The following CACNB4 variants were observed in gnomAD, a reference collection of about 807,000 sequenced individuals.
CACNB4 encodes the protein calcium voltage-gated channel auxiliary subunit beta 4.
Under a neutral mutation model 71.2 loss-of-function variants are expected in CACNB4, and 32 were observed. The ratio of observed to expected loss-of-function variants is 0.45; its 90% confidence interval spans 0.34 to 0.60. The LOEUF (loss-of-function observed/expected upper bound fraction) is 0.60. Ranked by LOEUF, CACNB4 falls within the 20% of genes least tolerant of loss-of-function variation. The pLI is 0.01. For missense variants in CACNB4, 464 were observed against 647.9 expected (o/e 0.72, Z 3.08); for synonymous variants, 231 against 236.9 (o/e 0.97, Z 0.23).
chr2:151,997,686 C>T (rs1324419791), intron 2 of CACNB4, among the ~76,000 whole-genome samples: 1 of 152,160 alleles, frequency 6.6e-6, no homozygotes, highest in Non-Finnish European at 1.5e-5. Context: ...GAACGAAATT[C>T]TCCCCCAGAG....
Position 152,098,394 on chromosome 2 carries a change from G to C in CACNB4, c.83C>G (p.Thr28Ser), listed in dbSNP as rs1162203855. ...PTSQVARGTT[T>S]RRSRLKRSDG... is the part of the protein sequence containing the mutation. ...GGATCTTTTCAACCTGCTCCTCCGG[G>C]TTGTGGTGCCTCGGGCCACCTGGAC... The change falls in exon 2 of 14, where the codon ACC becomes AGC. Residue 28 changes from threonine (T) to serine (S), a missense_variant. Physicochemically the swap from Thr to Ser is moderately conservative, Grantham distance 58. Coordinates refer to ENST00000539935, the MANE Select transcript of CACNB4 (RefSeq NM_000726.5). The surrounding 1 kb of genome is among the most constrained non-coding windows in gnomAD (Gnocchi z 5.3). 6.2e-7 allele frequency: 1 copy of C among 1,613,496 alleles called. No homozygotes were observed. The highest frequency in any genetic ancestry group is 8.5e-7 in the Non-Finnish European group (1 of 1,179,590).
intron 9 of CACNB4, among the ~76,000 whole-genome samples, chr2:151,862,349 C>T (rs1383020054): frequency 6.6e-6 from 1 of 152,216 alleles, no homozygotes; most frequent in Non-Finnish European, 1.5e-5. Context: ...AAACAACAGT[C>T]TGTGCAAAAG....
chr2:152,013,608 A>G (rs2105079298), intron 2 of CACNB4, among the ~76,000 whole-genome samples: 1 of 152,236 alleles, frequency 6.6e-6, no homozygotes, highest in East Asian at 1.9e-4. Context: ...CAAATTGAGC[A>G]CGAGATCCTG....
At chr2:152,029,528 A>AAAAGAAAAGAAAAGAAAAGT (rs1216263961) in intron 2 of CACNB4, among the ~76,000 whole-genome samples, 1 of 150,740 alleles carries the variant, frequency 6.6e-6, no homozygotes, top group African/African-American at 2.4e-5. Context: ...AAAAGAAAAG[A>AAAAGAAAAGAAAAGAAAAGT]AAAGAAAAGA....
At chr2:151,873,309 T>G (rs1001786488) in intron 5 of CACNB4, 3 of 152,208 alleles carry the variant, frequency 2.0e-5, no homozygotes, top group Admixed American at 2.0e-4. Context: ...GGATTTCCAC[T>G]GTTTTCAGAT....
chr2:151,847,601 A>T (rs1351599309), intron 12 of CACNB4, among the ~76,000 whole-genome samples: 1 of 152,194 alleles, frequency 6.6e-6, no homozygotes, highest in Non-Finnish European at 1.5e-5. Flanking sequence ...CTTTTAAAAG[A>T]TCTATGATGG....
intron 2 of CACNB4, among the ~76,000 whole-genome samples, chr2:152,018,998 T>A (rs1475410292): frequency 6.6e-6 from 1 of 151,920 alleles, no homozygotes; most frequent in Non-Finnish European, 1.5e-5. Context: ...GGGAAAGGTT[T>A]GGTTAGTGAT....
chr2:151,869,160 A>G lies in CACNB4; in HGVS notation c.758+17T>C. ...GTTAAAGGAAAATAAAAATACAAAA[A>G]CATCTATATTTCTCACCTCCCATCA... On this transcript the variant is annotated intron_variant, in intron 9 of 13. Coordinates refer to ENST00000539935, the MANE Select transcript of CACNB4 (RefSeq NM_000726.5). 2 of 1,438,158 alleles carry G rather than the reference A, an allele frequency of 1.4e-6. No individual in the cohort carries two copies. Among genetic ancestry groups the G allele is most frequent in the Non-Finnish European group, 1.9e-6 (2 of 1,041,104 alleles). 89.1% of individuals were successfully genotyped at this position (1,438,158 alleles called of 1,614,324 possible). A position where few individuals can be genotyped will look rare whatever the true frequency, so the allele number is the denominator to read the frequency against.
chr2:152,041,334 C>G (rs997878589), intron 2 of CACNB4, among the ~76,000 whole-genome samples: 3 of 152,182 alleles, frequency 2.0e-5, no homozygotes, highest in Non-Finnish European at 1.5e-5. Flanking sequence ...TAGAAGTCAT[C>G]ATCATGTTTT....
chr2:152,030,862 T>A (rs942063018), intron 2 of CACNB4, among the ~76,000 whole-genome samples: 12 of 152,182 alleles, frequency 7.9e-5, no homozygotes, highest in African/African-American at 2.9e-4. Context: ...CAAATGTCCA[T>A]CAATGATAGA....
chr2:151,953,859 C>G (rs866916764), intron 2 of CACNB4, among the ~76,000 whole-genome samples: 12 of 152,234 alleles, frequency 7.9e-5, no homozygotes, highest in Admixed American at 3.3e-4. Flanking sequence ...CATCTGTAAA[C>G]AGTCCTTTGG....
chr2:151,876,596 C>T (rs1264738610), intron 4 of CACNB4, 40 bp from the exon 5 acceptor site: 1 of 1,411,498 alleles, frequency 7.1e-7, no homozygotes, highest in Non-Finnish European at 9.9e-7. Context: ...TAGTAATTCA[C>T]TTATCTTCAC....
At chr2:151,952,007 C>T (rs2099867023) in intron 2 of CACNB4, among the ~76,000 whole-genome samples, 1 of 152,180 alleles carries the variant, frequency 6.6e-6, no homozygotes, top group Non-Finnish European at 1.5e-5. Flanking sequence ...TTTACCTTCT[C>T]TGTGCCTCAG....
At chr2:152,020,947 G>A (rs1683628736) in intron 2 of CACNB4, among the ~76,000 whole-genome samples, 2 of 152,156 alleles carry the variant, frequency 1.3e-5, no homozygotes, top group African/African-American at 4.8e-5. Context: ...TACTAGCACA[G>A]AGACTGAAGA....
At chr2:152,078,835 T>C (rs1687182446) in intron 2 of CACNB4, among the ~76,000 whole-genome samples, 1 of 152,194 alleles carries the variant, frequency 6.6e-6, no homozygotes, top group Admixed American at 6.5e-5. Flanking sequence ...CACCTTCTTG[T>C]AGACTGTTAA....
At chr2:152,023,041 G>T (rs181985374) in intron 2 of CACNB4, among the ~76,000 whole-genome samples, 1 of 152,044 alleles carries the variant, frequency 6.6e-6, no homozygotes, top group Admixed American at 6.5e-5. Context: ...AAAACCTCAG[G>T]AAACTTACAA....
In CACNB4 at chr2:152,098,479, C is replaced by A; in HGVS notation, c.64-66G>T. On this transcript the variant is annotated intron_variant, in intron 1 of 13. Coordinates refer to ENST00000539935, the MANE Select transcript of CACNB4 (RefSeq NM_000726.5). This position sits in a 1 kb window ranked among gnomAD's most constrained non-coding sequence, Gnocchi z 5.3. The stretch of plus-strand genomic sequence containing the variant: ...ACCGCAGCGCAGAGCGGGGCGACCA[C>A]CCCCGGCTGGAGTCCGCCTCCGGAC... The A allele has an allele frequency of 1.4e-6, 2 of 1,473,450 alleles. No homozygotes were observed. The allele number at this position is 1,473,450 out of a possible 1,614,324, so 91.3% of individuals were successfully genotyped here.
chr2:151,920,252 A>ATAGG (rs1553774913), intron 2 of CACNB4, among the ~76,000 whole-genome samples: 14 of 151,466 alleles, frequency 9.2e-5, no homozygotes, highest in African/African-American at 2.7e-4. Flanking sequence ...AACAATAGTA[A>ATAGG]AATGATTTCA....
At chr2:151,860,511 T>G (rs988130257) in intron 10 of CACNB4, 200 bp downstream of exon 10, 41 of 586,770 alleles carry the variant, frequency 7.0e-5, no homozygotes, top group Non-Finnish European at 8.2e-5. Flanking sequence ...ATTAGCTAAT[T>G]GACTAAAGCT....
Sources: gnomAD v4.1 joint callset for allele counts (sites outside exome capture counted in the v4.1 genomes callset) on GRCh38, gnomAD v4.1.1 for gene constraint, Gnocchi (gnomAD v3.1) non-coding constraint, MANE v1.5 for transcripts, NCBI Gene and HGNC (gene_info 2026-07-23, HGNC 2026-07-21) for gene names.